Variants in DNMT1 observed in about 807,000 individuals in gnomAD.
DNMT1 encodes DNA (cytosine-5)-methyltransferase 1.
Under a neutral mutation model 205.3 loss-of-function variants are expected in DNMT1, and 24 were observed. The ratio of observed to expected loss-of-function variants is 0.12; its 90% CI spans 0.08 to 0.16. DNMT1 has a LOEUF of 0.16. Among genes scored for constraint, DNMT1 ranks in the 10% least tolerant of loss-of-function variants. DNMT1 has a pLI of 1.00. For missense variants in DNMT1, 1,293 were observed against 2,177.7 expected (o/e 0.59, Z 8.09); for synonymous variants, 817 against 839.8 (o/e 0.97, Z 0.47).
chr19:10,154,851 T>C lies in DNMT1; in HGVS notation c.1644+54A>G. 1.2e-6 allele frequency: 2 copies of C among 1,614,240 alleles called. No individual in the cohort carries two copies. Among genetic ancestry groups the C allele is most frequent in the Non-Finnish European group, 8.5e-7 (1 of 1,180,042 alleles). ...ACTGAAGAACAGTGTCTGCTGGTTC[T>C]GAAGGCAAGTTTCCAGTGGGAATCC... On this transcript the variant is annotated intron_variant, in intron 20 of 40. Transcript: ENST00000359526. This position sits in a 1 kb window ranked among gnomAD's most constrained non-coding sequence, Gnocchi z 6.3.
intron 28 of DNMT1, among the ~76,000 whole-genome samples, chr19:10,145,036 G>A (rs189924039): frequency 1.3e-5 from 2 of 152,362 alleles, no homozygotes; most frequent in African/African-American, 4.8e-5. Context: ...ATTTGGGGTT[G>A]TTGCTATGAT....
In DNMT1 at chr19:10,148,946, A is replaced by T. The variant is rs1336107599; in HGVS notation, c.2658T>A (p.Asp886Glu). Residue 886 changes from aspartate (D) to glutamate (E), a missense_variant, in exon 27 of 41, where the codon GAT becomes GAA. Around this residue, in one of 13 missense-constraint regions of DNMT1, gnomAD observed 112 missense variants for 116.6 expected, o/e 0.96. Coordinates refer to ENST00000359526, the MANE Select transcript of DNMT1 (RefSeq NM_001130823.3). ...GKTYFYQLWYDQDYARFESPP... is the reference protein window; with the variant it reads ...GKTYFYQLWYEQDYARFESPP... ...GGGACTCGAATCTCGCGTAGTCTTG[A>T]TCATACCACAGCTGGTAGAAGTAGG... The T allele has an allele frequency of 1.2e-6, 2 of 1,614,058 alleles. No individual in the cohort carries two copies. Among genetic ancestry groups the T allele is most frequent in the East Asian group, 2.2e-5 (1 of 44,902 alleles).
intron 27 of DNMT1, among the ~76,000 whole-genome samples, chr19:10,148,102 G>A (rs1286248243): frequency 1.7e-5 from 1 of 58,078 alleles, no homozygotes; most frequent in Non-Finnish European, 3.2e-5. Context: ...GGCAACAAAA[G>A]CGAAACTCTG....
chr19:10,189,520 A>G (rs1171404064), intron 1 of DNMT1, among the ~76,000 whole-genome samples: 3 of 151,648 alleles, frequency 2.0e-5, no homozygotes, highest in African/African-American at 7.3e-5. Flanking sequence ...CATGGGTTCA[A>G]GTGATCCTCC....
intron 1 of DNMT1, among the ~76,000 whole-genome samples, chr19:10,187,880 T>C (rs991127144): frequency 1.3e-5 from 2 of 150,530 alleles, no homozygotes; most frequent in African/African-American, 4.9e-5. Flanking sequence ...TGCTAGCATG[T>C]GCCTATAGGC....
intron 11 of DNMT1, among the ~76,000 whole-genome samples, chr19:10,166,350 C>A (rs1272228952): frequency 6.6e-6 from 1 of 152,166 alleles, no homozygotes; most frequent in Non-Finnish European, 1.5e-5. Context: ...CAGGCTCACA[C>A]AGACCCTCTC....
intron 11 of DNMT1, among the ~76,000 whole-genome samples, chr19:10,165,199 A>C (rs2038663062): frequency 6.6e-6 from 1 of 151,936 alleles, no homozygotes; most frequent in African/African-American, 2.4e-5. Flanking sequence ...TGAGCCTGGG[A>C]GGTCGAGGCT....
intron 9 of DNMT1, among the ~76,000 whole-genome samples, chr19:10,172,305 C>T (rs1193713938): frequency 6.6e-6 from 1 of 150,866 alleles, no homozygotes; most frequent in Admixed American, 6.7e-5. Flanking sequence ...ATCCCAGCTA[C>T]TCAGGAGGCT....
At position 10,160,405 on chromosome 19, in the gene DNMT1, C is replaced by A; in HGVS notation, c.1022G>T (p.Arg341Leu). The change falls in exon 14 of 41, where the codon CGC becomes CTC. Residue 341 changes from arginine to leucine, a missense_variant. Arg to Leu is a moderately radical substitution (Grantham distance 102, BLOSUM62 -2). Coordinates refer to ENST00000359526, the MANE Select transcript of DNMT1 (RefSeq NM_001130823.3). ...TTACGGTTCTTTGGGGGTCGTTTTG[C>A]GTCTCTTCTCCTCCTACACAGGGAA... is the stretch of plus-strand genomic sequence containing the variant. Reference protein sequence around the residue: ...KDEDEKEEKRRKTTPKEPTEK... With the variant: ...KDEDEKEEKRLKTTPKEPTEK... The A allele has an allele frequency of 6.2e-7, 1 of 1,613,978 alleles. No homozygotes were observed. The highest frequency in any genetic ancestry group is 8.5e-7 in the Non-Finnish European group (1 of 1,179,948).
intron 1 of DNMT1, among the ~76,000 whole-genome samples, chr19:10,182,729 G>T (rs1311952159): frequency 6.6e-6 from 1 of 151,554 alleles, no homozygotes; most frequent in Non-Finnish European, 1.5e-5. Context: ...GAGTGCAGTG[G>T]TGCGATCTCA....
rs1183694434 is a variant in DNMT1, at chr19:10,143,957, T to C, written c.2925A>G (p.Pro975=). ...NIKLSSPVKR[P]RKEPVDEDLY... is the part of the protein sequence containing the mutation. ...GGTCCTCATCCACGGGCTCCTTCCG[T>C]GGGCGTTTCACGGGACTGGACAGCT... The change falls in exon 29 of 41, where the codon CCA becomes CCG. Residue 975 remains proline (P), a synonymous_variant. Coordinates refer to ENST00000359526, the MANE Select transcript of DNMT1 (RefSeq NM_001130823.3). 6.2e-7 allele frequency: 1 copy of C among 1,614,032 alleles called. No homozygotes were observed. Among genetic ancestry groups the C allele is most frequent in the South Asian group, 1.1e-5 (1 of 91,080 alleles).
intron 11 of DNMT1, among the ~76,000 whole-genome samples, chr19:10,165,743 G>T (rs2038677240): frequency 6.6e-6 from 1 of 152,142 alleles, no homozygotes; most frequent in Admixed American, 6.6e-5. Context: ...GTGAGCTCAG[G>T]CCCCTGCCAG....
At chr19:10,185,732 A>G (rs1283417785) in intron 1 of DNMT1, among the ~76,000 whole-genome samples, 2 of 149,092 alleles carry the variant, frequency 1.3e-5, no homozygotes, top group Non-Finnish European at 3.0e-5. Context: ...TGGGAGGCTG[A>G]GGTGGGAGGA....
chr19:10,190,609 GA>G (rs959299899), intron 1 of DNMT1, among the ~76,000 whole-genome samples: 45 of 151,692 alleles, frequency 3.0e-4, no homozygotes, highest in African/African-American at 1.0e-3. Flanking sequence ...CTAAAAATAA[GA>G]AAAAGTTAGC....
At chr19:10,190,565 C>G (rs2145408083) in intron 1 of DNMT1, among the ~76,000 whole-genome samples, 1 of 151,986 alleles carries the variant, frequency 6.6e-6, no homozygotes, top group East Asian at 1.9e-4. Context: ...GAGTTCAACA[C>G]CAGCCTGGCC....
chr19:10,193,679 A>G (rs1396063833), intron 1 of DNMT1, among the ~76,000 whole-genome samples: 1 of 151,608 alleles, frequency 6.6e-6, no homozygotes, highest in Non-Finnish European at 1.5e-5. Flanking sequence ...AAAAAAAAAA[A>G]AAAGAAAAGA....
In DNMT1 at chr19:10,134,287, C is replaced by T. The variant is rs765165256; in HGVS notation, c.4794G>A (p.Pro1598=). ...CCAAGCCAATGGCTTTGGCCAGGGG[C>T]GGTGGCACGGCATTGCCCACCTGCA... is the stretch of plus-strand genomic sequence containing the variant. The part of the protein sequence containing the change: ...KHRQVGNAVP[P]PLAKAIGLEI... Residue 1598 remains proline, a synonymous_variant, in exon 40 of 41, where the codon CCG becomes CCA. Coordinates refer to ENST00000359526, the MANE Select transcript of DNMT1 (RefSeq NM_001130823.3). 1.2e-5 allele frequency: 20 copies of T among 1,613,934 alleles called. No individual in the cohort carries two copies. The highest frequency in any genetic ancestry group is 4.5e-5 in the East Asian group (2 of 44,900).
chr19:10,171,279 TTTTAG>T (rs1162727304), intron 9 of DNMT1, among the ~76,000 whole-genome samples: 1 of 152,174 alleles, frequency 6.6e-6, no homozygotes, highest in African/African-American at 2.4e-5. Context: ...TGCTAAAGAA[TTTTAG>T]CACCTCCTAC....
intron 9 of DNMT1, among the ~76,000 whole-genome samples, chr19:10,170,996 C>T (rs1251279798): frequency 2.0e-5 from 3 of 152,018 alleles, no homozygotes; most frequent in Admixed American, 6.6e-5. Flanking sequence ...TTTGCAGAGA[C>T]GGGGTCTCAC....
Sources: gnomAD v4.1 joint callset for allele counts (sites outside exome capture counted in the v4.1 genomes callset) on GRCh38, gnomAD v4.1.1 for gene constraint, gnomAD v4.1.1 regional missense constraint, Gnocchi (gnomAD v3.1) non-coding constraint, MANE v1.5 for transcripts, NCBI Gene and HGNC (gene_info 2026-07-23, HGNC 2026-07-21) for gene names.